SPIDR: variants seen among roughly 807,000 people sequenced by gnomAD.
The protein encoded by SPIDR is scaffold protein involved in DNA repair.
In SPIDR, 93 loss-of-function variants were observed where a neutral mutation model predicts 104.6. The observed-to-expected ratio is 0.89, with a 90% CI of 0.75 to 1.06. SPIDR has a LOEUF of 1.06. Among genes scored for constraint, SPIDR ranks in the 50% least tolerant of loss-of-function variants. SPIDR has a pLI of 0.00. For missense variants in SPIDR, 1,154 were observed against 1,111.2 expected (o/e 1.04, Z -0.55); for synonymous variants, 431 against 416.9 (o/e 1.03, Z -0.41).
chr8:47,511,447 A>G, intron 8 of SPIDR: 1 of 787,024 alleles, frequency 1.3e-6, no homozygotes, highest in East Asian at 2.4e-5. Context: ...CTCCATATCC[A>G]AGTTCGCCTG....
At chr8:47,343,645 G>A (rs1480658133) in intron 5 of SPIDR, among the ~76,000 whole-genome samples, 2 of 152,144 alleles carry the variant, frequency 1.3e-5, no homozygotes, top group Non-Finnish European at 2.9e-5. Flanking sequence ...AGAAAGCAGC[G>A]TGACATGGGT....
chr8:47,480,085 C>T (rs1405695169), intron 8 of SPIDR, among the ~76,000 whole-genome samples: 3 of 152,136 alleles, frequency 2.0e-5, no homozygotes, highest in Admixed American at 2.0e-4. Context: ...CCAGTATTTT[C>T]CTGTTTAAAG....
At chr8:47,344,002 G>A (rs2051326254) in intron 5 of SPIDR, among the ~76,000 whole-genome samples, 1 of 151,252 alleles carries the variant, frequency 6.6e-6, no homozygotes, top group Non-Finnish European at 1.5e-5. Context: ...AAGTTCTAGG[G>A]TACATGTGCA....
intron 19 of SPIDR, among the ~76,000 whole-genome samples, chr8:47,735,103 T>TGTGTGTGG (rs879851317): frequency 7.0e-6 from 1 of 142,192 alleles, no homozygotes; most frequent in African/African-American, 2.8e-5. Flanking sequence ...TGGGTGTGTG[T>TGTGTGTGG]GTGTGTGGGT....
rs541932163 is a variant in SPIDR, at chr8:47,735,480, A to G, written c.*30A>G. 4.3e-6 allele frequency: 7 copies of G among 1,614,104 alleles called. No individual in the cohort carries two copies. Among genetic ancestry groups the G allele is most frequent in the Middle Eastern group, 1.7e-4 (1 of 6,060 alleles). ...TGCCGCAGGATCTGTGAACTTTGCA[A>G]TGTGGCTGCAAGGGTGGTGGTGGTG... On this transcript the variant is annotated 3_prime_UTR_variant, in exon 20 of 20. Coordinates refer to ENST00000297423, the MANE Select transcript of SPIDR (RefSeq NM_001080394.4).
At chr8:47,539,033 G>GT (rs1253198164) in intron 8 of SPIDR, among the ~76,000 whole-genome samples, 1 of 151,314 alleles carries the variant, frequency 6.6e-6, no homozygotes, top group Non-Finnish European at 1.5e-5. Context: ...GCTAATTTTT[G>GT]TTTTTTTAGT....
intron 8 of SPIDR, among the ~76,000 whole-genome samples, chr8:47,546,629 C>T (rs2089432313): frequency 6.6e-6 from 1 of 152,088 alleles, no homozygotes; most frequent in South Asian, 2.1e-4. Flanking sequence ...TTCCTTTTCT[C>T]AGCTTGCTGT....
At chr8:47,712,489 G>A (rs1488736777) in intron 14 of SPIDR, among the ~76,000 whole-genome samples, 173 bp from the exon 15 acceptor site, 1 of 152,218 alleles carries the variant, frequency 6.6e-6, no homozygotes, top group Non-Finnish European at 1.5e-5. Context: ...CAAAGTCGAG[G>A]CACCCAGGGC....
chr8:47,716,025 C>T (rs950813984), intron 16 of SPIDR, among the ~76,000 whole-genome samples: 41 of 145,190 alleles, frequency 2.8e-4, no homozygotes, highest in Admixed American at 2.7e-3. Context: ...AGTGCAATGG[C>T]ATGATCTCAG....
At chr8:47,728,363 G>C (rs894386294) in intron 17 of SPIDR, among the ~76,000 whole-genome samples, 97 of 152,082 alleles carry the variant, frequency 6.4e-4, no homozygotes, top group African/African-American at 2.3e-3. Context: ...TGAACCAGGG[G>C]GAGGTGGAGG....
chr8:47,445,581 A>T (rs1326209968), intron 8 of SPIDR, among the ~76,000 whole-genome samples: 12 of 152,224 alleles, frequency 7.9e-5, no homozygotes, highest in Non-Finnish European at 1.8e-4. Flanking sequence ...ACCAAAAGCT[A>T]GAAATGATTA....
intron 7 of SPIDR, among the ~76,000 whole-genome samples, chr8:47,410,039 A>G (rs952290476): frequency 6.6e-6 from 1 of 152,166 alleles, no homozygotes; most frequent in Non-Finnish European, 1.5e-5. Flanking sequence ...AAAAAAATAC[A>G]AAAAACTCCT....
intron 8 of SPIDR, among the ~76,000 whole-genome samples, chr8:47,559,110 C>T (rs149896327): frequency 1.8e-3 from 281 of 152,308 alleles, no homozygotes; most frequent in African/African-American, 6.6e-3. Flanking sequence ...TGTTTCATTT[C>T]TCTAGTTTGT....
At position 47,562,491 on chromosome 8, in the gene SPIDR, G is replaced by A. The variant is rs949230195; in HGVS notation, c.1098-33320G>A. ...GGATTTCTCTCTCCTCTGCACCCTC[G>A]GCCCCCATGGAGGCAAGGTTCACTG... On this transcript the variant is annotated intron_variant, in intron 8 of 19. Transcript: ENST00000297423. Among the ~76,000 whole-genome samples the A allele has an allele frequency of 4.6e-5, 7 of 152,016 alleles. No individual in the cohort carries two copies. The South Asian group carries it at 8.3e-4, about 18-fold the overall frequency.
chr8:47,529,508 A>G (rs980549679), intron 8 of SPIDR, among the ~76,000 whole-genome samples: 3 of 152,168 alleles, frequency 2.0e-5, no homozygotes, highest in Non-Finnish European at 2.9e-5. Flanking sequence ...ATATCCTTCA[A>G]TGGTGACAAA....
At chr8:47,432,705 A>G (rs991651768) in intron 7 of SPIDR, among the ~76,000 whole-genome samples, 2 of 152,184 alleles carry the variant, frequency 1.3e-5, no homozygotes, top group Non-Finnish European at 2.9e-5. Flanking sequence ...ACAATTGCTT[A>G]TTTTTCACCT....
At chr8:47,322,815 A>G (rs1474189122) in intron 5 of SPIDR, among the ~76,000 whole-genome samples, 1 of 152,170 alleles carries the variant, frequency 6.6e-6, no homozygotes, top group Admixed American at 6.6e-5. Flanking sequence ...GGAAACCATC[A>G]TTCTCAGCAA....
chr8:47,512,609 C>T (rs1326516375), intron 8 of SPIDR, among the ~76,000 whole-genome samples: 1 of 152,110 alleles, frequency 6.6e-6, no homozygotes, highest in Non-Finnish European at 1.5e-5. Context: ...GCCCTGACCA[C>T]GGAGAGGTGG....
intron 8 of SPIDR, among the ~76,000 whole-genome samples, chr8:47,502,242 T>C (rs555382503): frequency 4.2e-4 from 64 of 152,352 alleles, no homozygotes; most frequent in Non-Finnish European, 7.5e-4. Context: ...GTACCTCTGA[T>C]AGAATTCGGC....
Sources: gnomAD v4.1 joint callset for allele counts (sites outside exome capture counted in the v4.1 genomes callset) on GRCh38, gnomAD v4.1.1 for gene constraint, MANE v1.5 for transcripts, NCBI Gene and HGNC (gene_info 2026-07-23, HGNC 2026-07-21) for gene names.